The following CCDC40 variants were observed in gnomAD, a reference collection of about 807,000 sequenced individuals.
CCDC40 encodes coiled-coil domain-containing protein 40.
A neutral mutation model predicts 124.5 loss-of-function variants in CCDC40; 104 were observed. The observed-to-expected ratio is 0.84, with a 90% CI of 0.71 to 0.98. The LOEUF (loss-of-function observed/expected upper bound fraction) is 0.98. CCDC40 is among the 50% of genes least tolerant of loss of function. CCDC40 has a pLI of 0.00. For missense variants in CCDC40, 1,463 were observed against 1,503.9 expected, an observed-to-expected ratio of 0.97 and a Z score of 0.45; for synonymous variants, 580 against 602.9, an observed-to-expected ratio of 0.96 and a Z score of 0.56.
chr17:80,054,265 TTTTTTTGTTTTG>T (rs1568681441), intron 7 of CCDC40, among the ~76,000 whole-genome samples: 1 of 152,100 alleles, frequency 6.6e-6, no homozygotes, highest in African/African-American at 2.4e-5. Context: ...GGGGGAGGGT[TTTTTTTGTTTTG>T]TTTTTTGTTT....
At chr17:80,097,109 C>G (rs1184969472) in intron 18 of CCDC40, 136 bp from the exon 19 acceptor site, 2 of 949,134 alleles carry the variant, frequency 2.1e-6, no homozygotes, top group Non-Finnish European at 3.4e-6. Flanking sequence ...GCCTCTCCAG[C>G]CCTCCCATTC....
chr17:80,056,016 A>ATATATTTT (rs71163913), intron 7 of CCDC40, among the ~76,000 whole-genome samples: 1 of 10,258 alleles, frequency 9.7e-5, no homozygotes, highest in Non-Finnish European at 1.6e-4. Flanking sequence ...ATATATATAT[A>ATATATTTT]TTTTTTTTTT....
At chr17:80,095,477 G>A (rs1256208820) in intron 18 of CCDC40, 26 bp downstream of exon 18, 55 of 1,586,550 alleles carry the variant, frequency 3.5e-5, no homozygotes, top group Non-Finnish European at 4.8e-5. Flanking sequence ...AAGGAAACAG[G>A]GCGCCTGCTC....
chr17:80,065,367 A>G (rs1351023391), intron 9 of CCDC40, 118 bp from the exon 10 acceptor site: 4 of 1,352,066 alleles, frequency 3.0e-6, no homozygotes, highest in East Asian at 4.6e-5. Flanking sequence ...GATCAAGGAA[A>G]GTACCGGTGA....
chr17:80,062,544 A>C (rs1013222508), intron 9 of CCDC40, among the ~76,000 whole-genome samples: 1 of 146,888 alleles, frequency 6.8e-6, no homozygotes, highest in East Asian at 2.0e-4. Context: ...TATGAGTGAG[A>C]ACATGCGGTG....
rs761216440 is a variant in CCDC40, at chr17:80,088,066, A to T, written c.2675A>T (p.Glu892Val). ...MQDKLNQLSE[E>V]KATLLNQLVE... Reference sequence around the variant, plus strand: ...GACAAGCTGAACCAGCTCAGCGAGGAGAAGGCGACCCTCCTGAATCAACTG... The same window carrying T: ...GACAAGCTGAACCAGCTCAGCGAGGTGAAGGCGACCCTCCTGAATCAACTG... The change falls in exon 16 of 20, where the codon GAG (glutamate) becomes GTG (valine). Residue 892 changes from glutamate to valine, a missense_variant. Coordinates refer to ENST00000397545, the MANE Select transcript of CCDC40 (RefSeq NM_017950.4). 1.2e-6 allele frequency: 2 copies of T among 1,612,522 alleles called. No homozygotes were observed. The highest frequency in any genetic ancestry group is 1.7e-6 in the Non-Finnish European group (2 of 1,179,360).
At chr17:80,097,196 C>A (rs1177043596) in intron 18 of CCDC40, 49 bp from the exon 19 acceptor site, 7 of 1,607,164 alleles carry the variant, frequency 4.4e-6, no homozygotes, top group African/African-American at 1.3e-5. Flanking sequence ...TCCCTGTCCG[C>A]CAAGTAGCCG....
At chr17:80,078,213 C>T (rs1002987052) in intron 10 of CCDC40, among the ~76,000 whole-genome samples, 2 of 151,844 alleles carry the variant, frequency 1.3e-5, no homozygotes, top group African/African-American at 4.8e-5. Context: ...CGCCTGTAGT[C>T]CCAGCTACTT....
At chr17:80,090,229 G>A (rs1406277080) in intron 17 of CCDC40, 29 of 857,376 alleles carry the variant, frequency 3.4e-5, no homozygotes, top group South Asian at 8.8e-5. Context: ...CACGGGACGC[G>A]CGCAGGCACG....
chr17:80,072,974 G>A (rs1036390853), intron 10 of CCDC40, among the ~76,000 whole-genome samples: 2 of 146,264 alleles, frequency 1.4e-5, no homozygotes, highest in South Asian at 2.2e-4. Flanking sequence ...CTCCTACTGC[G>A]TGGAATCGCT....
intron 7 of CCDC40, among the ~76,000 whole-genome samples, chr17:80,052,754 C>T (rs1358287757): frequency 1.3e-5 from 2 of 152,052 alleles, no homozygotes; most frequent in Non-Finnish European, 2.9e-5. Flanking sequence ...GTAAAGAGAA[C>T]AAAGTGTTAG....
chr17:80,079,269 T>G (rs2038389996), intron 10 of CCDC40, among the ~76,000 whole-genome samples: 2 of 152,252 alleles, frequency 1.3e-5, no homozygotes, highest in East Asian at 3.9e-4. Flanking sequence ...CTCTCCCCAG[T>G]CTTTCAATTC....
chr17:80,039,804 C>G lies in CCDC40; in HGVS notation c.94-8C>G. The G allele has an allele frequency of 1.9e-6, 3 of 1,613,178 alleles. No individual in the cohort carries two copies. Among genetic ancestry groups the G allele is most frequent in the Non-Finnish European group, 2.5e-6 (3 of 1,179,350 alleles). On this transcript the variant is annotated splice_polypyrimidine_tract_variant and splice_region_variant and intron_variant, in intron 2 of 19. Transcript: ENST00000397545. ...TTTCCTGATTTTTTTCCTGCCACAC[C>G]TTTACAGGTGTCACCACCAGAGAAG...
At chr17:80,063,003 T>C (rs1487903156) in intron 9 of CCDC40, among the ~76,000 whole-genome samples, 1 of 152,118 alleles carries the variant, frequency 6.6e-6, no homozygotes, top group Non-Finnish European at 1.5e-5. Context: ...GAGACCAGCC[T>C]GGCCAACATG....
intron 4 of CCDC40, 44 bp downstream of exon 4, chr17:80,047,446 AC>A (rs1322588640): frequency 1.1e-5 from 18 of 1,592,286 alleles, no homozygotes; most frequent in African/African-American, 2.7e-5. Flanking sequence ...GCGATGAGCC[AC>A]CTGCACAGGC....
chr17:80,039,968 G>C lies in CCDC40; in HGVS notation c.250G>C (p.Val84Leu), dbSNP rs994528690. ...AGCAGTGGAAGGGGAAGAGGAGGCTGTGTCCTATGGAGATGCTGAAAGCGA... is the reference window on the plus strand; with the variant it reads ...AGCAGTGGAAGGGGAAGAGGAGGCTCTGTCCTATGGAGATGCTGAAAGCGA... ...EAAVEGEEEA[V>L]SYGDAESEEE... The change falls in exon 3 of 20, where the codon GTG becomes CTG. Residue 84 changes from valine (V) to leucine (L), a missense_variant. By Grantham distance (32) the Val-to-Leu change is conservative. Transcript: ENST00000397545. The C allele has an allele frequency of 5.0e-6, 8 of 1,613,818 alleles. No individual in the cohort carries two copies. Among genetic ancestry groups the C allele is most frequent in the African/African-American group, 2.7e-5 (2 of 74,902 alleles).
In CCDC40 at chr17:80,090,057, G is replaced by A. The variant is rs2038670316; in HGVS notation, c.2832+173G>A. 5 of 1,537,262 alleles carry A rather than the reference G, an allele frequency of 3.3e-6. No homozygotes were observed. The African/African-American group carries it at 5.5e-5, about 17-fold the overall frequency. ...AGGGAGCGACCCGCTCCAGCAGAGT[G>A]ACCTGCACTCCAGCCGAGCACTGGC... On this transcript the variant is annotated intron_variant, in intron 17 of 19. Transcript: ENST00000397545.
In CCDC40 at chr17:80,058,787, A is replaced by G; in HGVS notation, c.1318-71A>G. 6.2e-7 allele frequency: 1 copy of G among 1,612,224 alleles called. No homozygotes were observed. ...GCCTGGGTGGCGTCAACTTGTATCA[A>G]GGGTTGGTGGAGAACAGGCCCTCAG... is the stretch of plus-strand genomic sequence containing the variant. On this transcript the variant is annotated intron_variant, in intron 8 of 19. Coordinates refer to ENST00000397545, the MANE Select transcript of CCDC40 (RefSeq NM_017950.4). This position sits in a 1 kb window ranked among gnomAD's most constrained non-coding sequence, Gnocchi z 4.2.
chr17:80,091,302 T>TACACAC lies in CCDC40; in HGVS notation c.2832+1454_2832+1459dup, dbSNP rs71163919. Among the ~76,000 whole-genome samples, 243 of 139,628 alleles carry TACACAC rather than the reference T, an allele frequency of 1.7e-3. 1 individual carries two copies. The highest frequency in any genetic ancestry group is 4.7e-3 in the African/African-American group (175 of 37,118). 91.6% of individuals were successfully genotyped at this position (139,628 alleles called of 152,430 possible). On this transcript the variant is annotated intron_variant, in intron 17 of 19. Coordinates refer to ENST00000397545, the MANE Select transcript of CCDC40 (RefSeq NM_017950.4). Reference sequence around the variant, plus strand: ...CTCCAAAGAAACAGAACCAGTAGACTACACACACACACACACACACACACA... The same window carrying TACACAC: ...CTCCAAAGAAACAGAACCAGTAGACTACACACACACACACACACACACACACACACA...
Sources: allele counts gnomAD v4.1 joint callset (sites outside exome capture counted in the v4.1 genomes callset), GRCh38; gene constraint gnomAD v4.1.1; non-coding constraint Gnocchi (gnomAD v3.1); transcripts MANE v1.5; gene names NCBI Gene and HGNC (gene_info 2026-07-23, HGNC 2026-07-21).